The following ACSL1 variants were observed in gnomAD, a reference collection of about 807,000 sequenced individuals.
ACSL1 encodes the protein acyl-CoA synthetase long chain family member 1.
ACSL1 carries 41 observed loss-of-function variants against 98.4 expected under a neutral mutation model. That is an observed-to-expected ratio of 0.42 (90% CI 0.32 to 0.54). The LOEUF is 0.54. Ranked by LOEUF, ACSL1 falls within the 20% of genes least tolerant of loss-of-function variation. ACSL1 has a pLI of 0.13. For synonymous variants in ACSL1, 316 were observed against 322.7 expected (o/e 0.98, Z 0.22); for missense variants, 734 against 883.1 (o/e 0.83, Z 2.14).
At chr4:184,795,324 G>T (rs573388931) in intron 2 of ACSL1, among the ~76,000 whole-genome samples, 1 of 152,314 alleles carries the variant, frequency 6.6e-6, no homozygotes, top group Admixed American at 6.5e-5. Context: ...AAATATTACA[G>T]CACGCATTTC....
Position 184,768,341 on chromosome 4 carries a change from C to A in ACSL1, c.1103G>T (p.Arg368Ile). ...LQPTVFPVVPRLLNRMFDRIF... is the reference protein window; with the variant it reads ...LQPTVFPVVPILLNRMFDRIF... ...TCGGTCAAACATCCGGTTCAGCAGT[C>A]TTGGAACCACGGGGAAGACAGTGGG... Residue 368 changes from arginine (R) to isoleucine (I), a missense_variant, in exon 12 of 21, where the codon AGA (arginine) becomes ATA (isoleucine). Coordinates refer to ENST00000281455, the MANE Select transcript of ACSL1 (RefSeq NM_001995.5). 6.2e-7 allele frequency: 1 copy of A among 1,613,308 alleles called. No homozygotes were observed. The highest frequency in any genetic ancestry group is 8.5e-7 in the Non-Finnish European group (1 of 1,179,840).
intron 16 of ACSL1, 82 bp downstream of exon 16, chr4:184,763,085 T>C (rs2150276248): frequency 2.1e-6 from 3 of 1,418,120 alleles, no homozygotes; most frequent in South Asian, 1.2e-5. Flanking sequence ...TATTGAGCTG[T>C]TGGGAAATAC....
chr4:184,796,130 A>AT (rs1480755140), intron 2 of ACSL1, among the ~76,000 whole-genome samples: 1 of 152,196 alleles, frequency 6.6e-6, no homozygotes, highest in East Asian at 1.9e-4. Flanking sequence ...GGCCAAAATT[A>AT]AAAGCAGGCA....
chr4:184,773,270 C>A lies in ACSL1; in HGVS notation c.842-116G>T, dbSNP rs552659389. 3.5e-4 allele frequency: 314 copies of A among 904,364 alleles called. No homozygotes were observed. The highest frequency in any genetic ancestry group is 7.0e-4 in the Middle Eastern group (3 of 4,304). The allele number at this position is 904,364 out of a possible 1,614,324, so 56.0% of individuals were successfully genotyped here. On this transcript the variant is annotated intron_variant, in intron 9 of 20. Coordinates refer to ENST00000281455, the MANE Select transcript of ACSL1 (RefSeq NM_001995.5). The surrounding 1 kb of genome is among the most constrained non-coding windows in gnomAD (Gnocchi z 4.3). ...TCTACTGTTAGATATATCGTGAAAA[C>A]CAAATGTTGAACACTAAATTCCTAA...
chr4:184,786,760 C>T (rs971239048), intron 3 of ACSL1, among the ~76,000 whole-genome samples: 26 of 143,758 alleles, frequency 1.8e-4, no homozygotes, highest in Admixed American at 1.7e-3. Flanking sequence ...ATGGTGCAAT[C>T]CTGGCTCACT....
chr4:184,759,809 T>C (rs1285816872), intron 18 of ACSL1, among the ~76,000 whole-genome samples: 1 of 152,212 alleles, frequency 6.6e-6, no homozygotes, highest in African/African-American at 2.4e-5. Flanking sequence ...AGAAATACCA[T>C]TTGACCCAAC....
At position 184,757,221 on chromosome 4, in the gene ACSL1, A is replaced by G. The variant is rs765397312; in HGVS notation, c.2001T>C (p.Asn667=). 5.6e-6 allele frequency: 9 copies of G among 1,608,696 alleles called. No individual in the cohort carries two copies. The highest frequency in any genetic ancestry group is 6.8e-6 in the Non-Finnish European group (8 of 1,175,642). ...CCTTCATTGTTGGAGTCAGAAGGCC[A>G]TTGTCGATAGAAAATAATTCAGGGT... ...TLHPELFSID[N]GLLTPTMKAK... Residue 667 remains asparagine (N), a synonymous_variant, in exon 21 of 21, where the codon AAT becomes AAC. Coordinates refer to ENST00000281455, the MANE Select transcript of ACSL1 (RefSeq NM_001995.5). This position sits in a 1 kb window ranked among gnomAD's most constrained non-coding sequence, Gnocchi z 4.5.
Position 184,761,820 on chromosome 4 carries a change from A to T in ACSL1, c.1638+587T>A, listed in dbSNP as rs529670814. Among the ~76,000 whole-genome samples the T allele has an allele frequency of 3.8e-4, 57 of 151,286 alleles. 1 individual carries two copies. Among genetic ancestry groups the T allele is most frequent in the African/African-American group, 1.3e-3 (52 of 41,098 alleles). ...TTCCGGTTGAGAAGCAACAACCAGA[A>T]TTGATGTTAAGCATCAAAACGGGCC... is the stretch of plus-strand genomic sequence containing the variant. On this transcript the variant is annotated intron_variant, in intron 17 of 20. Transcript: ENST00000281455.
chr4:184,820,348 C>T (rs558559158), intron 1 of ACSL1, among the ~76,000 whole-genome samples: 23 of 152,242 alleles, frequency 1.5e-4, no homozygotes, highest in African/African-American at 5.5e-4. Context: ...TCCAGCCTTA[C>T]AAGACCAATG....
intron 1 of ACSL1, among the ~76,000 whole-genome samples, chr4:184,818,825 C>T (rs542645350): frequency 6.6e-6 from 1 of 152,136 alleles, no homozygotes; most frequent in Non-Finnish European, 1.5e-5. Flanking sequence ...CAGACACCAA[C>T]CAGCCAGAAA....
chr4:184,784,080 A>G (rs1766804685), intron 3 of ACSL1, 89 bp from the exon 4 acceptor site: 1 of 1,018,122 alleles, frequency 9.8e-7, no homozygotes, highest in Admixed American at 1.9e-5. Flanking sequence ...TCTAATACTA[A>G]ACATCAGCTA....
chr4:184,819,511 TG>T (rs1772894780), intron 1 of ACSL1, among the ~76,000 whole-genome samples: 1 of 152,114 alleles, frequency 6.6e-6, no homozygotes. Flanking sequence ...TTCAGTGTCT[TG>T]ATCTTAGCTA....
chr4:184,795,246 C>T (rs944635833), intron 2 of ACSL1, among the ~76,000 whole-genome samples: 1 of 152,236 alleles, frequency 6.6e-6, no homozygotes, highest in African/African-American at 2.4e-5. Flanking sequence ...TGTCAAGAAA[C>T]ACAGCCTACG....
intron 4 of ACSL1, among the ~76,000 whole-genome samples, chr4:184,783,051 G>A (rs564196199): frequency 6.6e-6 from 1 of 152,216 alleles, no homozygotes; most frequent in East Asian, 1.9e-4. Flanking sequence ...CCAGGGACGG[G>A]AGCCTTTCCT....
At position 184,773,608 on chromosome 4, in the gene ACSL1, G is replaced by A; in HGVS notation, c.841+55C>T. The A allele has an allele frequency of 6.6e-7, 1 of 1,520,926 alleles. No individual in the cohort carries two copies. Among genetic ancestry groups the A allele is most frequent in the African/African-American group, 1.4e-5 (1 of 71,612 alleles). The allele number at this position is 1,520,926 out of a possible 1,614,324, so 94.2% of individuals were successfully genotyped here. On this transcript the variant is annotated intron_variant, in intron 9 of 20. Transcript: ENST00000281455. The surrounding 1 kb of genome is among the most constrained non-coding windows in gnomAD (Gnocchi z 4.3). ...GATAAGTCATCCAAAAGAGGTAGGG[G>A]AGAGTCCAGACCAATGGCTGCCATA...
At chr4:184,770,326 G>A (rs570603513) in intron 11 of ACSL1, 73 bp downstream of exon 11, 2 of 1,587,058 alleles carry the variant, frequency 1.3e-6, no homozygotes, top group African/African-American at 2.7e-5. Context: ...CTCAAGGGAA[G>A]TGCTTTCTGT....
chr4:184,771,253 T>C (rs2150313113), intron 10 of ACSL1, among the ~76,000 whole-genome samples: 1 of 152,340 alleles, frequency 6.6e-6, no homozygotes, highest in Middle Eastern at 3.4e-3. Context: ...AGGGATTATA[T>C]GCTCTAATCA....
intron 17 of ACSL1, among the ~76,000 whole-genome samples, chr4:184,761,106 C>G (rs375698825): frequency 1.3e-5 from 2 of 152,316 alleles, no homozygotes; most frequent in South Asian, 2.1e-4. Flanking sequence ...ATCCCCACCC[C>G]GGGGCCACTC....
chr4:184,777,632 TG>T (rs1765514657), intron 5 of ACSL1, among the ~76,000 whole-genome samples: 1 of 152,052 alleles, frequency 6.6e-6, no homozygotes, highest in South Asian at 2.1e-4. Flanking sequence ...AAAATCCGCC[TG>T]AAGAATTGAG....
Sources: gnomAD v4.1 joint callset for allele counts (sites outside exome capture counted in the v4.1 genomes callset) on GRCh38, gnomAD v4.1.1 for gene constraint, Gnocchi (gnomAD v3.1) non-coding constraint, MANE v1.5 for transcripts, NCBI Gene and HGNC (gene_info 2026-07-23, HGNC 2026-07-21) for gene names.